The following TBC1D19 variants were observed in gnomAD, a reference collection of about 807,000 sequenced individuals.
TBC1D19 encodes TBC1 domain family, member 19.
Under a neutral mutation model 89.0 loss-of-function variants are expected in TBC1D19, and 60 were observed. The observed-to-expected ratio is 0.67, with a 90% CI of 0.55 to 0.84. TBC1D19 has a LOEUF of 0.84. Among genes scored for constraint, TBC1D19 ranks in the 40% least tolerant of loss-of-function variants. The probability of loss-of-function intolerance (pLI) is 0.00; values close to 1 mark genes in which losing one functional copy is unlikely to be tolerated. For synonymous variants in TBC1D19, 189 were observed against 199.7 expected, an observed-to-expected ratio of 0.95 and a Z score of 0.45; for missense variants, 500 against 610.8, an observed-to-expected ratio of 0.82 and a Z score of 1.91.
chr4:26,627,282 T>C (rs1742480187), intron 4 of TBC1D19, among the ~76,000 whole-genome samples: 1 of 152,170 alleles, frequency 6.6e-6, no homozygotes, highest in Non-Finnish European at 1.5e-5. Flanking sequence ...CTTAATCCAG[T>C]CTATCATTGT....
chr4:26,765,806 G>T, the TBC1D19 span, among the ~76,000 whole-genome samples: 1 of 151,942 alleles, frequency 6.6e-6, no homozygotes, highest in Admixed American at 6.6e-5. Context: ...TAGTGAATTT[G>T]GTTCTCCTCT....
intron 19 of TBC1D19, among the ~76,000 whole-genome samples, 180 bp from the exon 20 acceptor site, chr4:26,753,640 C>CAGT (rs1719100951): frequency 6.6e-6 from 1 of 152,306 alleles, no homozygotes; most frequent in East Asian, 1.9e-4. Context: ...CAGGCACTGT[C>CAGT]CTCTAGAGCA....
chr4:26,766,499 C>T, the TBC1D19 span, among the ~76,000 whole-genome samples: 1 of 152,156 alleles, frequency 6.6e-6, no homozygotes, highest in Non-Finnish European at 1.5e-5. Flanking sequence ...ATTCTCAGGT[C>T]TTTCTCCACT....
intron 11 of TBC1D19, among the ~76,000 whole-genome samples, chr4:26,674,767 A>G (rs905344402): frequency 8.6e-5 from 13 of 152,032 alleles, no homozygotes; most frequent in African/African-American, 2.9e-4. Context: ...AGTGCCTGGA[A>G]CATAAATGAT....
intron 13 of TBC1D19, among the ~76,000 whole-genome samples, chr4:26,690,956 C>G (rs1196705352): frequency 6.6e-6 from 1 of 152,158 alleles, no homozygotes; most frequent in Non-Finnish European, 1.5e-5. Flanking sequence ...TTGAAAGCTT[C>G]TGGAAAGGAT....
chr4:26,817,965 A>AT, the TBC1D19 span, among the ~76,000 whole-genome samples: 4 of 88,248 alleles, frequency 4.5e-5, no homozygotes, highest in African/African-American at 2.8e-4. Flanking sequence ...TGGAAACTCC[A>AT]TTTAAAAAAA....
chr4:26,842,629 TTTCTTTC>T, the TBC1D19 span, among the ~76,000 whole-genome samples: 4 of 146,692 alleles, frequency 2.7e-5, no homozygotes, highest in Non-Finnish European at 6.0e-5. Flanking sequence ...TCTTTCTTTC[TTTCTTTC>T]TTTCTTTCTT....
chr4:26,763,074 A>G, the TBC1D19 span, among the ~76,000 whole-genome samples: 1 of 152,232 alleles, frequency 6.6e-6, no homozygotes, highest in Non-Finnish European at 1.5e-5. Context: ...GTAACGTATG[A>G]AAATAACAAA....
chr4:26,627,258 A>G (rs934645739), intron 4 of TBC1D19, among the ~76,000 whole-genome samples: 91 of 152,172 alleles, frequency 6.0e-4, no homozygotes, highest in Non-Finnish European at 1.0e-3. Flanking sequence ...CATGGTGTAT[A>G]TGTGCCACAT....
intron 11 of TBC1D19, among the ~76,000 whole-genome samples, chr4:26,676,783 T>C (rs1048626590): frequency 2.0e-5 from 3 of 152,130 alleles, no homozygotes. Flanking sequence ...TCATTGACTA[T>C]TCCTTTATTG....
chr4:26,741,877 A>C (rs1264455456), intron 17 of TBC1D19, among the ~76,000 whole-genome samples: 1 of 152,226 alleles, frequency 6.6e-6, no homozygotes, highest in East Asian at 1.9e-4. Context: ...TGTACTTTAC[A>C]AATAATGCCC....
chr4:26,767,721 T>G, the TBC1D19 span, among the ~76,000 whole-genome samples: 1 of 152,200 alleles, frequency 6.6e-6, no homozygotes, highest in African/African-American at 2.4e-5. Flanking sequence ...GCCACCCTGC[T>G]GCTAAATTTT....
chr4:26,763,439 A>G, the TBC1D19 span, among the ~76,000 whole-genome samples: 3 of 152,218 alleles, frequency 2.0e-5, no homozygotes, highest in Admixed American at 1.3e-4. Context: ...CAAACATTCT[A>G]TTGATCCCAG....
the TBC1D19 span, among the ~76,000 whole-genome samples, chr4:26,773,064 T>C: frequency 6.6e-6 from 1 of 152,228 alleles, no homozygotes; most frequent in Admixed American, 6.5e-5. Context: ...GTGGTTGAAC[T>C]AATTTACACT....
chr4:26,758,458 C>G (rs571336484), downstream of TBC1D19, among the ~76,000 whole-genome samples: 1 of 152,308 alleles, frequency 6.6e-6, no homozygotes, highest in South Asian at 2.1e-4. Flanking sequence ...GTGAGGCTGA[C>G]TTGCATCCCC....
chr4:26,644,823 T>G (rs1057239089), intron 7 of TBC1D19, among the ~76,000 whole-genome samples: 2 of 152,100 alleles, frequency 1.3e-5, no homozygotes, highest in African/African-American at 4.8e-5. Flanking sequence ...CCATTTACAA[T>G]TGCTACAAAG....
chr4:26,850,741 T>C, the TBC1D19 span, among the ~76,000 whole-genome samples: 1 of 152,108 alleles, frequency 6.6e-6, no homozygotes, highest in Non-Finnish European at 1.5e-5. Context: ...TGCAGAACTG[T>C]GAGACAAAAA....
intron 13 of TBC1D19, among the ~76,000 whole-genome samples, chr4:26,706,766 T>C (rs934300681): frequency 3.3e-5 from 5 of 152,136 alleles, no homozygotes; most frequent in Admixed American, 6.6e-5. Flanking sequence ...CTAATTTCTC[T>C]TATAATTTCT....
At chr4:26,613,063 A>T (rs1234594918) in intron 1 of TBC1D19, 106 bp from the exon 2 acceptor site, 4 of 796,984 alleles carry the variant, frequency 5.0e-6, no homozygotes, top group South Asian at 3.5e-5. Flanking sequence ...ATTTTTGAAC[A>T]CTCCTTTTTA....
Sources: gnomAD v4.1 joint callset for allele counts (sites outside exome capture counted in the v4.1 genomes callset) on GRCh38, gnomAD v4.1.1 for gene constraint, MANE v1.5 for transcripts, NCBI Gene and HGNC (gene_info 2026-07-23, HGNC 2026-07-21) for gene names.